The following CTNNA3 variants were observed in gnomAD, a reference collection of about 807,000 sequenced individuals.
CTNNA3 encodes the protein catenin alpha 3, also known as catenin alpha-3.
CTNNA3 carries 76 observed loss-of-function variants against 95.7 expected under a neutral mutation model. The ratio of observed to expected loss-of-function variants is 0.79; its 90% confidence interval spans 0.66 to 0.96. CTNNA3 has a LOEUF of 0.96. Among genes scored for constraint, CTNNA3 ranks in the 40% least tolerant of loss-of-function variants. The probability of loss-of-function intolerance (pLI) is 0.00; values close to 1 mark genes in which losing one functional copy is unlikely to be tolerated. For synonymous variants in CTNNA3, 431 were observed against 374.4 expected (o/e 1.15, Z -1.74); for missense variants, 1,191 against 1,089.8 (o/e 1.09, Z -1.31).
intron 7 of CTNNA3, among the ~76,000 whole-genome samples, chr10:67,068,695 C>T (rs1196090331): frequency 2.0e-5 from 3 of 152,140 alleles, no homozygotes; most frequent in Admixed American, 6.5e-5. Flanking sequence ...CAGCAAATGA[C>T]CCAAATATGT....
At chr10:66,862,438 T>C (rs1051391403) in intron 7 of CTNNA3, among the ~76,000 whole-genome samples, 3 of 152,130 alleles carry the variant, frequency 2.0e-5, no homozygotes, top group Non-Finnish European at 4.4e-5. Flanking sequence ...CATACATTAA[T>C]AGATACAGAG....
At chr10:67,723,918 G>A (rs1213798888) in intron 1 of CTNNA3, among the ~76,000 whole-genome samples, 1 of 152,066 alleles carries the variant, frequency 6.6e-6, no homozygotes, top group African/African-American at 2.4e-5. Flanking sequence ...AAGTTCAGAG[G>A]AGTTAGTGCC....
At chr10:66,864,779 T>A (rs1419991861) in intron 7 of CTNNA3, among the ~76,000 whole-genome samples, 2 of 152,152 alleles carry the variant, frequency 1.3e-5, no homozygotes, top group African/African-American at 4.8e-5. Context: ...GATGTAGCTT[T>A]TAGATATTTT....
intron 13 of CTNNA3, among the ~76,000 whole-genome samples, chr10:66,119,398 G>T (rs931103618): frequency 6.6e-6 from 1 of 152,138 alleles, no homozygotes; most frequent in Non-Finnish European, 1.5e-5. Context: ...CCTACAAGCT[G>T]TTCCTATTAC....
chr10:66,496,722 T>C (rs1172128933), intron 11 of CTNNA3, among the ~76,000 whole-genome samples: 1 of 152,184 alleles, frequency 6.6e-6, no homozygotes, highest in Admixed American at 6.5e-5. Flanking sequence ...GGAAATCAAT[T>C]TAACGACCTT....
intron 1 of CTNNA3, among the ~76,000 whole-genome samples, chr10:67,726,601 CATATTATATAATATA>C (rs1841227641): frequency 8.9e-5 from 2 of 22,398 alleles, no homozygotes; most frequent in Non-Finnish European, 1.5e-4. Flanking sequence ...TATTATATTA[CATATTATATAATATA>C]TAATATATAT....
At chr10:66,538,680 A>G (rs1266899135) in intron 10 of CTNNA3, among the ~76,000 whole-genome samples, 2 of 152,164 alleles carry the variant, frequency 1.3e-5, no homozygotes, top group African/African-American at 4.8e-5. Context: ...AGATAGACTA[A>G]CCATTGAAAG....
At chr10:67,699,950 GAC>G (rs1324244621), upstream of CTNNA3, among the ~76,000 whole-genome samples, 1 of 152,214 alleles carries the variant, frequency 6.6e-6, no homozygotes, top group Non-Finnish European at 1.5e-5. Context: ...GGGCTTAAAA[GAC>G]AGCGCACCAG....
chr10:67,730,018 T>C (rs552207608), intron 1 of CTNNA3, among the ~76,000 whole-genome samples: 1 of 152,234 alleles, frequency 6.6e-6, no homozygotes, highest in East Asian at 1.9e-4. Context: ...TTCTTATGTA[T>C]AAACCAAAAA....
intron 9 of CTNNA3, among the ~76,000 whole-genome samples, chr10:66,723,811 A>G (rs1848701562): frequency 6.6e-6 from 1 of 152,218 alleles, no homozygotes; most frequent in Non-Finnish European, 1.5e-5. Context: ...GAGGCAGGCA[A>G]CAAGCCAAAA....
At chr10:66,421,423 A>G (rs892749941) in intron 11 of CTNNA3, among the ~76,000 whole-genome samples, 2 of 152,222 alleles carry the variant, frequency 1.3e-5, no homozygotes, top group Admixed American at 1.3e-4. Flanking sequence ...TTCCTAACCC[A>G]TAGAAATAAT....
At position 66,978,540 on chromosome 10, in the gene CTNNA3, A is replaced by ATAAAATAAAAATAAAAAAAAT. The variant is rs1362837260; in HGVS notation, c.1047+201776_1047+201777insATTTTTTTTATTTTTATTTTA. Among the ~76,000 whole-genome samples the ATAAAATAAAAATAAAAAAAAT allele has an allele frequency of 2.5e-4, 21 of 82,902 alleles. No homozygotes were observed. In the South Asian group the frequency reaches 4.3e-3, roughly 17 times the overall value. The allele number at this position is 82,902 out of a possible 152,430, so 54.4% of individuals were successfully genotyped here. A position where few individuals can be genotyped will look rare whatever the true frequency, so the allele number is the denominator to read the frequency against. The stretch of plus-strand genomic sequence containing the variant: ...AGACTCCATCTCAAAAAAAAAAAAA[A>ATAAAATAAAAATAAAAAAAAT]AAAAAAAAAAAAATATATATATATA... On this transcript the variant is annotated intron_variant, in intron 7 of 17. Coordinates refer to ENST00000433211, the MANE Select transcript of CTNNA3 (RefSeq NM_013266.4).
chr10:66,051,243 C>T (rs1031184540), intron 15 of CTNNA3, among the ~76,000 whole-genome samples: 3 of 152,114 alleles, frequency 2.0e-5, no homozygotes, highest in African/African-American at 7.2e-5. Flanking sequence ...AAATTGAGTC[C>T]AAATTCAGAT....
intron 9 of CTNNA3, among the ~76,000 whole-genome samples, chr10:66,692,930 C>T (rs552450409): frequency 5.9e-5 from 9 of 152,096 alleles, no homozygotes; most frequent in African/African-American, 1.9e-4. Flanking sequence ...TTTGTCACCA[C>T]CAGGCCTGCC....
At chr10:66,984,221 G>A (rs1402741704) in intron 7 of CTNNA3, among the ~76,000 whole-genome samples, 1 of 152,118 alleles carries the variant, frequency 6.6e-6, no homozygotes, top group Non-Finnish European at 1.5e-5. Flanking sequence ...GAATGATGAC[G>A]TTCTTTCAGA....
intron 5 of CTNNA3, among the ~76,000 whole-genome samples, chr10:67,259,754 CT>C (rs1866519735): frequency 6.6e-6 from 1 of 152,252 alleles, no homozygotes; most frequent in South Asian, 2.1e-4. Flanking sequence ...AGTTTCTCAG[CT>C]GCAGGATACC....
At chr10:66,117,324 C>A (rs2082383619) in intron 13 of CTNNA3, among the ~76,000 whole-genome samples, 1 of 152,036 alleles carries the variant, frequency 6.6e-6, no homozygotes, top group African/African-American at 2.4e-5. Flanking sequence ...CATAGTGTAA[C>A]ATTGTTTGGC....
intron 16 of CTNNA3, among the ~76,000 whole-genome samples, chr10:65,976,019 G>T (rs921542410): frequency 6.6e-6 from 1 of 152,040 alleles, no homozygotes; most frequent in Non-Finnish European, 1.5e-5. Flanking sequence ...GTTTCATGAG[G>T]TAAGTGGAAT....
chr10:66,154,389 G>A (rs545613709), intron 13 of CTNNA3, among the ~76,000 whole-genome samples: 13 of 151,458 alleles, frequency 8.6e-5, no homozygotes, highest in Non-Finnish European at 1.2e-4. Flanking sequence ...CCCATACTAC[G>A]ACAGGTCTTT....
Sources: gnomAD v4.1 joint callset for allele counts (sites outside exome capture counted in the v4.1 genomes callset) on GRCh38, gnomAD v4.1.1 for gene constraint, MANE v1.5 for transcripts, NCBI Gene and HGNC (gene_info 2026-07-23, HGNC 2026-07-21) for gene names.